Variants in SYNE2 observed in about 807,000 individuals in gnomAD.
SYNE2 encodes nesprin-2.
Under a neutral mutation model 856.3 loss-of-function variants are expected in SYNE2, and 431 were observed. The observed-to-expected ratio is 0.50, with a 90% CI of 0.47 to 0.55. The LOEUF is 0.55. Among genes scored for constraint, SYNE2 ranks in the 20% least tolerant of loss-of-function variants. The pLI is 0.00. For missense variants in SYNE2, 8,129 were observed against 8,023.2 expected, an observed-to-expected ratio of 1.01 and a Z score of -0.50; for synonymous variants, 2,923 against 2,872.3, an observed-to-expected ratio of 1.02 and a Z score of -0.56.
intron 1 of SYNE2, among the ~76,000 whole-genome samples, chr14:63,903,231 A>G (rs1046783957): frequency 5.3e-5 from 8 of 152,198 alleles, no homozygotes; most frequent in African/African-American, 1.9e-4. Context: ...TTGTGCTATG[A>G]CAGTATTTGG....
intron 49 of SYNE2, among the ~76,000 whole-genome samples, chr14:64,059,429 G>C (rs964063315): frequency 6.6e-6 from 1 of 152,210 alleles, no homozygotes; most frequent in Non-Finnish European, 1.5e-5. Context: ...GAGTCATAGA[G>C]CTACCACCTT....
At chr14:64,048,267 C>T in intron 46 of SYNE2, 112 bp downstream of exon 46, 1 of 989,506 alleles carries the variant, frequency 1.0e-6, no homozygotes, top group Non-Finnish European at 1.5e-6. Flanking sequence ...CTTATTTAAC[C>T]TTTGCCTGAT....
rs1009554635 is a variant in SYNE2 at position 63,800,953 on chromosome 14, A to T, written c.-305+38967A>T. 2.0e-5 allele frequency among the ~76,000 whole-genome samples: 3 copies of T among 152,144 alleles called. No homozygotes were observed. In the East Asian group the frequency reaches 5.8e-4, roughly 29 times the overall value. ...AACAAACCTTCACAGGGACCCCCAA[A>T]CCTAAAAAGTTAAAAAATAAAATAA... On this transcript the variant is annotated intron_variant, in intron 1 of 23. Coordinates refer to the SYNE2 transcript ENST00000674003.
intron 6 of SYNE2, among the ~76,000 whole-genome samples, chr14:63,946,458 G>A (rs2096029127): frequency 6.6e-6 from 1 of 150,484 alleles, no homozygotes; most frequent in Non-Finnish European, 1.5e-5. Flanking sequence ...ATATATACTG[G>A]AGATATAGAT....
chr14:64,027,022 A>G (rs2096985809), intron 42 of SYNE2, among the ~76,000 whole-genome samples: 1 of 152,206 alleles, frequency 6.6e-6, no homozygotes, highest in Admixed American at 6.5e-5. Flanking sequence ...TCTAGTGAAA[A>G]TTCTTAATTC....
At chr14:64,219,759 C>A (rs1391402565) in intron 110 of SYNE2, among the ~76,000 whole-genome samples, 1 of 152,224 alleles carries the variant, frequency 6.6e-6, no homozygotes, top group Non-Finnish European at 1.5e-5. Context: ...AAACTGTATG[C>A]TGCACAGTTA....
chr14:64,211,224 C>G lies in SYNE2; in HGVS notation c.18724-737C>G, dbSNP rs895430959. 3.3e-5 allele frequency among the ~76,000 whole-genome samples: 5 copies of G among 152,184 alleles called. No homozygotes were observed. In the South Asian group the frequency reaches 1.0e-3, roughly 32 times the overall value. On this transcript the variant is annotated intron_variant, in intron 103 of 115. Coordinates refer to ENST00000555002, the MANE Select transcript of SYNE2 (RefSeq NM_182914.3). ...AAACTCCTGGCCTCAAGTAATCTTC[C>G]ACCTTGGCCTCCCAAAGTGCTGGGA...
At chr14:63,837,024 A>G (rs1431300928) in intron 1 of SYNE2, among the ~76,000 whole-genome samples, 1 of 152,162 alleles carries the variant, frequency 6.6e-6, no homozygotes, top group Non-Finnish European at 1.5e-5. Flanking sequence ...GGAGCTTTTA[A>G]TTTGTGTTAC....
At chr14:63,972,664 G>A (rs1008185404) in intron 11 of SYNE2, among the ~76,000 whole-genome samples, 1 of 152,198 alleles carries the variant, frequency 6.6e-6, no homozygotes, top group Admixed American at 6.5e-5. Flanking sequence ...AATTACTGCA[G>A]AAGGGAAGTG....
intron 96 of SYNE2, among the ~76,000 whole-genome samples, chr14:64,184,147 C>A (rs2098476517): frequency 6.6e-6 from 1 of 152,166 alleles, no homozygotes; most frequent in Non-Finnish European, 1.5e-5. Flanking sequence ...CATTTTAAAG[C>A]TCTCGAGACA....
intron 67 of SYNE2, among the ~76,000 whole-genome samples, 182 bp downstream of exon 67, chr14:64,119,791 T>C (rs2097884157): frequency 6.6e-6 from 1 of 152,226 alleles, no homozygotes; most frequent in Admixed American, 6.5e-5. Flanking sequence ...CATTCTACTT[T>C]GCAGTTTTCC....
At chr14:64,019,599 T>C (rs1259174864) in intron 34 of SYNE2, among the ~76,000 whole-genome samples, 2 of 152,202 alleles carry the variant, frequency 1.3e-5, no homozygotes, top group Non-Finnish European at 2.9e-5. Flanking sequence ...AGTTAAGAAT[T>C]GTAAACTGAC....
chr14:64,180,871 A>G (rs546631686), intron 96 of SYNE2, among the ~76,000 whole-genome samples: 4 of 152,274 alleles, frequency 2.6e-5, no homozygotes, highest in Non-Finnish European at 4.4e-5. Context: ...TTGGTGCAAT[A>G]TTTTTGAAGC....
chr14:63,943,253 T>C (rs1266299440), intron 6 of SYNE2, among the ~76,000 whole-genome samples: 1 of 152,232 alleles, frequency 6.6e-6, no homozygotes, highest in Non-Finnish European at 1.5e-5. Context: ...ATGCTAGCTC[T>C]TATGCGAGGA....
chr14:63,812,075 G>A (rs188069378), intron 1 of SYNE2, among the ~76,000 whole-genome samples: 5 of 152,230 alleles, frequency 3.3e-5, no homozygotes, highest in African/African-American at 1.2e-4. Flanking sequence ...ATTTACCAGG[G>A]TGGGGTTTCT....
chr14:64,125,738 G>A (rs2097938446), intron 71 of SYNE2, among the ~76,000 whole-genome samples: 1 of 152,110 alleles, frequency 6.6e-6, no homozygotes, highest in Non-Finnish European at 1.5e-5. Context: ...ACAGATCTGT[G>A]GCTCCCAGAC....
chr14:64,113,233 T>C (rs1350393677), intron 65 of SYNE2, 108 bp from the exon 66 acceptor site: 10 of 1,587,922 alleles, frequency 6.3e-6, no homozygotes, highest in African/African-American at 1.4e-5. Flanking sequence ...CCTTCTTCTG[T>C]CCTGATTTTG....
At chr14:64,219,153 G>A (rs1477134288) in intron 109 of SYNE2, 55 bp from the exon 110 acceptor site, 1 of 1,392,042 alleles carries the variant, frequency 7.2e-7, no homozygotes, top group African/African-American at 1.4e-5. Flanking sequence ...TTAGCTGGAG[G>A]CAGAGAAATC....
intron 87 of SYNE2, among the ~76,000 whole-genome samples, chr14:64,161,550 A>G (rs2153714697): frequency 6.6e-6 from 1 of 152,206 alleles, no homozygotes; most frequent in South Asian, 2.1e-4. Context: ...GAGTCATTTT[A>G]TCAGGCATAC....
Sources: allele counts gnomAD v4.1 joint callset (sites outside exome capture counted in the v4.1 genomes callset), GRCh38; gene constraint gnomAD v4.1.1; transcripts MANE v1.5; gene names NCBI Gene and HGNC (gene_info 2026-07-23, HGNC 2026-07-21).